The following PACSIN1 variants were observed in gnomAD, a reference collection of about 807,000 sequenced individuals.
The protein encoded by PACSIN1 is protein kinase C and casein kinase substrate in neurons protein 1.
PACSIN1 carries 15 observed loss-of-function variants against 59.5 expected under a neutral mutation model. The observed-to-expected ratio is 0.25, with a 90% CI of 0.17 to 0.39. The LOEUF (loss-of-function observed/expected upper bound fraction) is 0.39, where lower values mean the gene tolerates loss of function less well. Ranked by LOEUF, PACSIN1 falls within the 10% of genes least tolerant of loss-of-function variation. PACSIN1 has a pLI of 1.00. For synonymous variants in PACSIN1, 210 were observed against 220.6 expected (o/e 0.95, Z 0.42); for missense variants, 420 against 580.2 (o/e 0.72, Z 2.84).
intron 1 of PACSIN1, among the ~76,000 whole-genome samples, chr6:34,494,797 C>G (rs1323277565): frequency 6.6e-6 from 1 of 152,200 alleles, no homozygotes; most frequent in East Asian, 1.9e-4. Flanking sequence ...TTGGACCATA[C>G]TTTGAGTATC....
chr6:34,531,802 C>G lies in PACSIN1; in HGVS notation c.1225+15C>G, dbSNP rs781421037. 3 of 1,543,518 alleles carry G rather than the reference C, an allele frequency of 1.9e-6. No homozygotes were observed. In the Admixed American group the frequency reaches 5.8e-5, roughly 30 times the overall value. ...CTTTAAGGCCGGTAGGACGGCTGGGCGGGGCAGTGCCTGAGAGAGGCTTGG... is the reference window on the plus strand; with the variant it reads ...CTTTAAGGCCGGTAGGACGGCTGGGGGGGGCAGTGCCTGAGAGAGGCTTGG... On this transcript the variant is annotated intron_variant, in intron 9 of 9. Coordinates refer to ENST00000244458, the MANE Select transcript of PACSIN1 (RefSeq NM_020804.5). The surrounding 1 kb of genome is among the most constrained non-coding windows in gnomAD (Gnocchi z 4.4).
In PACSIN1 at chr6:34,532,450, G is replaced by A; in HGVS notation, c.1255G>A (p.Asp419Asn). The A allele has an allele frequency of 6.3e-7, 1 of 1,575,744 alleles. No individual in the cohort carries two copies. The highest frequency in any genetic ancestry group is 8.6e-7 in the Non-Finnish European group (1 of 1,160,216). Residue 419 changes from aspartate (D) to asparagine (N), a missense_variant, in exon 10 of 10, where the codon GAT becomes AAT. Physicochemically the swap from Asp to Asn is conservative, Grantham distance 23. Transcript: ENST00000244458. This position sits in a 1 kb window ranked among gnomAD's most constrained non-coding sequence, Gnocchi z 5.2. ...GDELTKLGEE[D>N]EQGWCRGRLD... The stretch of plus-strand genomic sequence containing the variant: ...CGAACTCACCAAGCTGGGCGAGGAG[G>A]ATGAGCAGGGCTGGTGCCGTGGGCG...
In PACSIN1 at chr6:34,529,437, A is replaced by C. The variant is rs541390866; in HGVS notation, c.497A>C (p.Glu166Ala). 1 of 1,614,156 alleles carries C rather than the reference A, an allele frequency of 6.2e-7. No individual in the cohort carries two copies. The highest frequency in any genetic ancestry group is 8.5e-7 in the Non-Finnish European group (1 of 1,180,018). Residue 166 changes from glutamate to alanine, a missense_variant, in exon 5 of 10, where the codon GAG becomes GCG. Coordinates refer to ENST00000244458, the MANE Select transcript of PACSIN1 (RefSeq NM_020804.5). The surrounding 1 kb of genome is among the most constrained non-coding windows in gnomAD (Gnocchi z 6.3). ...AKKAYHLACK[E>A]EKLAMTREMN... ...AAGGCCTACCATTTGGCTTGCAAAG[A>C]GGAAAAGCTGGCCATGACACGGGAG...
At chr6:34,505,006 A>AT (rs992997394) in intron 1 of PACSIN1, among the ~76,000 whole-genome samples, 47 of 149,486 alleles carry the variant, frequency 3.1e-4, no homozygotes, top group Non-Finnish European at 4.9e-4. Flanking sequence ...ATTATTTTAG[A>AT]TTTTTTTTTA....
rs145361403 is a variant in PACSIN1, at chr6:34,495,254, T to A, written c.-64+28984T>A. On this transcript the variant is annotated intron_variant, in intron 1 of 9. Transcript: ENST00000244458. The stretch of plus-strand genomic sequence containing the variant: ...TTAGATGTGCAAAAGGAGCTTTTGG[T>A]TGTTGGAAATGGTGACAGTGAGGGA... 6.3e-4 allele frequency among the ~76,000 whole-genome samples: 96 copies of A among 152,308 alleles called. 2 individuals are homozygous for A. In the East Asian group the frequency reaches 0.017, roughly 27 times the overall value.
intron 1 of PACSIN1, among the ~76,000 whole-genome samples, chr6:34,502,349 TGAA>T (rs1335913525): frequency 6.6e-6 from 1 of 151,380 alleles, no homozygotes; most frequent in African/African-American, 2.4e-5. Context: ...GAGACCACAA[TGAA>T]GGAGAAACAG....
chr6:34,524,638 G>A lies in PACSIN1; in HGVS notation c.-63-1605G>A, dbSNP rs140933816. On this transcript the variant is annotated intron_variant, in intron 1 of 9. Coordinates refer to ENST00000244458, the MANE Select transcript of PACSIN1 (RefSeq NM_020804.5). ...CTTATTGACCCAGCCCTCTGTGGAC[G>A]GGTATTTGGGCTGTTTCCAGCCTTT... Among the ~76,000 whole-genome samples, 14 of 152,316 alleles carry A rather than the reference G, an allele frequency of 9.2e-5. No individual in the cohort carries two copies. The East Asian group carries it at 1.3e-3, about 15-fold the overall frequency.
At chr6:34,475,168 A>C (rs1033411139) in intron 1 of PACSIN1, among the ~76,000 whole-genome samples, 1 of 152,174 alleles carries the variant, frequency 6.6e-6, no homozygotes, top group African/African-American at 2.4e-5. Flanking sequence ...TACCTGCCCA[A>C]GCATTCCATG....
At chr6:34,502,492 G>A (rs1009410438) in intron 1 of PACSIN1, among the ~76,000 whole-genome samples, 46 of 124,386 alleles carry the variant, frequency 3.7e-4, no homozygotes, top group Non-Finnish European at 7.0e-4. Flanking sequence ...TTGAGACGGA[G>A]TCTGGCTCTG....
chr6:34,508,065 C>T (rs547931175), intron 1 of PACSIN1, among the ~76,000 whole-genome samples: 13 of 152,060 alleles, frequency 8.5e-5, no homozygotes, highest in South Asian at 2.1e-4. Context: ...GGTAAATACC[C>T]AGAAGTGGTA....
rs1767290809 is a variant in PACSIN1 at position 34,516,307 on chromosome 6, T to C, written c.-63-9936T>C. 6.6e-6 allele frequency among the ~76,000 whole-genome samples: 1 copy of C among 152,084 alleles called. No individual in the cohort carries two copies. Among genetic ancestry groups the C allele is most frequent in the Non-Finnish European group, 1.5e-5 (1 of 67,994 alleles). ...GTGGCTCTGCTCATTTCTGCAAACG[T>C]TAGACGCACATTCACAGAGTGCTGG... On this transcript the variant is annotated intron_variant, in intron 1 of 9. Coordinates refer to ENST00000244458, the MANE Select transcript of PACSIN1 (RefSeq NM_020804.5). This position sits in a 1 kb window ranked among gnomAD's most constrained non-coding sequence, Gnocchi z 5.4.
At position 34,518,145 on chromosome 6, in the gene PACSIN1, C is replaced by T. The variant is rs1181211779; in HGVS notation, c.-63-8098C>T. On this transcript the variant is annotated intron_variant, in intron 1 of 9. Coordinates refer to ENST00000244458, the MANE Select transcript of PACSIN1 (RefSeq NM_020804.5). The surrounding 1 kb of genome is among the most constrained non-coding windows in gnomAD (Gnocchi z 4.4). Reference sequence around the variant, plus strand: ...AGAGCTGCTCTGCCCGGCCAGGCCCCGGAAGAGGGCAAGCTGCATGCATCC... The same window carrying T: ...AGAGCTGCTCTGCCCGGCCAGGCCCTGGAAGAGGGCAAGCTGCATGCATCC... 3.9e-5 allele frequency among the ~76,000 whole-genome samples: 6 copies of T among 152,242 alleles called. No homozygotes were observed. The highest frequency in any genetic ancestry group is 5.9e-5 in the Non-Finnish European group (4 of 68,044).
chr6:34,527,718 T>C, intron 3 of PACSIN1: 1 of 369,418 alleles, frequency 2.7e-6, no homozygotes, highest in Non-Finnish European at 4.8e-6. Context: ...CTTGAAATAA[T>C]TCAAACTTTG....
At chr6:34,512,567 T>A (rs1767221720) in intron 1 of PACSIN1, among the ~76,000 whole-genome samples, 1 of 152,200 alleles carries the variant, frequency 6.6e-6, no homozygotes, top group Non-Finnish European at 1.5e-5. Context: ...CCTCCTGGCC[T>A]AGGCCTTGAC....
chr6:34,492,355 C>G (rs572345583), intron 1 of PACSIN1, among the ~76,000 whole-genome samples: 1 of 151,762 alleles, frequency 6.6e-6, no homozygotes, highest in African/African-American at 2.4e-5. Flanking sequence ...GCTACAGGCA[C>G]GCATCACCAT....
chr6:34,467,589 G>A (rs1261551194), intron 1 of PACSIN1, among the ~76,000 whole-genome samples: 4 of 107,804 alleles, frequency 3.7e-5, no homozygotes, highest in South Asian at 3.2e-4. Flanking sequence ...AGAGAGTTTC[G>A]CTCTTGTTGC....
At chr6:34,467,553 C>CTTTTTTTTTTTTTTTTTTTTTTTTTTTTT (rs61324041) in intron 1 of PACSIN1, among the ~76,000 whole-genome samples, 2 of 90,794 alleles carry the variant, frequency 2.2e-5, no homozygotes, top group Non-Finnish European at 2.0e-5. Flanking sequence ...TAGGCCCTTC[C>CTTTTTTTTTTTTTTTTTTTTTTTTTTTTT]TTTTTTTTTT....
At position 34,497,202 on chromosome 6, in the gene PACSIN1, A is replaced by G. The variant is rs532844697; in HGVS notation, c.-63-29041A>G. Among the ~76,000 whole-genome samples the G allele has an allele frequency of 3.5e-4, 54 of 152,122 alleles. 1 individual carries two copies. Among genetic ancestry groups the G allele is most frequent in the Admixed American group, 2.2e-3 (34 of 15,278 alleles). On this transcript the variant is annotated intron_variant, in intron 1 of 9. Transcript: ENST00000244458. ...TGAGCTCAGGTGATCCTCCTGCTTC[A>G]GCCTCCCAAAGTGCTGGGATTACCG...
chr6:34,530,271 C>G lies in PACSIN1; in HGVS notation c.817C>G (p.Gln273Glu), dbSNP rs1452745537. The G allele has an allele frequency of 1.9e-6, 3 of 1,614,066 alleles. No homozygotes were observed. In the South Asian group the frequency reaches 3.3e-5, roughly 18 times the overall value. The change falls in exon 7 of 10, where the codon CAG (glutamine) becomes GAG (glutamate). Residue 273 changes from glutamine to glutamate, a missense_variant. By Grantham distance (29) the Gln-to-Glu change is conservative (BLOSUM62 2). Transcript: ENST00000244458. This position sits in a 1 kb window ranked among gnomAD's most constrained non-coding sequence, Gnocchi z 4.4. ...CATCCATGTGTACCGTGAGCTGGAGCAGGCCATCCGGGGGGCTGATGCCCA... is the reference window on the plus strand; with the variant it reads ...CATCCATGTGTACCGTGAGCTGGAGGAGGCCATCCGGGGGGCTGATGCCCA... ...SYIHVYRELE[Q>E]AIRGADAQED...
Sources: gnomAD v4.1 joint callset for allele counts (sites outside exome capture counted in the v4.1 genomes callset) on GRCh38, gnomAD v4.1.1 for gene constraint, Gnocchi (gnomAD v3.1) non-coding constraint, MANE v1.5 for transcripts, NCBI Gene and HGNC (gene_info 2026-07-23, HGNC 2026-07-21) for gene names.